The following ARHGAP15 variants were observed in gnomAD, a reference collection of about 807,000 sequenced individuals.
The protein encoded by ARHGAP15 is Rho GTPase activating protein 15.
Under a neutral mutation model 63.7 loss-of-function variants are expected in ARHGAP15, and 51 were observed. The observed-to-expected ratio is 0.80, with a 90% CI of 0.64 to 1.01. ARHGAP15 has a LOEUF of 1.01. Among genes scored for constraint, ARHGAP15 ranks in the 50% least tolerant of loss-of-function variants. The pLI is 0.00. For synonymous variants in ARHGAP15, 191 were observed against 193.8 expected (o/e 0.99, Z 0.12); for missense variants, 560 against 564.6 (o/e 0.99, Z 0.08).
At position 143,689,412 on chromosome 2, in the gene ARHGAP15, A is replaced by G. The variant is rs533527209; in HGVS notation, c.1139-14007A>G. 1.3e-3 allele frequency among the ~76,000 whole-genome samples: 204 copies of G among 152,230 alleles called. 1 individual carries two copies. The highest frequency in any genetic ancestry group is 2.5e-3 in the Non-Finnish European group (173 of 68,022). The stretch of plus-strand genomic sequence containing the variant: ...TTAATTGTCTAGCAGTTACTGTAAG[A>G]GTTCTAAGCTTTTTATGAGCATTGT... On this transcript the variant is annotated intron_variant, in intron 12 of 13. Coordinates refer to ENST00000295095, the MANE Select transcript of ARHGAP15 (RefSeq NM_018460.4).
At chr2:143,553,496 G>GT (rs2105079456) in intron 10 of ARHGAP15, among the ~76,000 whole-genome samples, 1 of 152,308 alleles carries the variant, frequency 6.6e-6, no homozygotes, top group African/African-American at 2.4e-5. Context: ...CCACAGAGCA[G>GT]TTTCTCTGCT....
chr2:143,304,061 C>T (rs916716467), intron 6 of ARHGAP15, among the ~76,000 whole-genome samples: 11 of 152,124 alleles, frequency 7.2e-5, no homozygotes, highest in African/African-American at 2.4e-4. Context: ...CCTCAAGGAT[C>T]TACAACTAGA....
intron 6 of ARHGAP15, among the ~76,000 whole-genome samples, chr2:143,383,735 T>A (rs1196418418): frequency 6.6e-6 from 1 of 152,194 alleles, no homozygotes; most frequent in Non-Finnish European, 1.5e-5. Context: ...CCTAAAGTAT[T>A]TTGTCTCCTA....
At chr2:143,453,170 G>A (rs182684258) in intron 8 of ARHGAP15, among the ~76,000 whole-genome samples, 67 of 151,994 alleles carry the variant, frequency 4.4e-4, no homozygotes, top group Non-Finnish European at 7.5e-4. Context: ...GCACTGAAAG[G>A]TTAATCAATT....
chr2:143,433,275 A>G (rs1689468101), intron 6 of ARHGAP15, among the ~76,000 whole-genome samples: 1 of 152,132 alleles, frequency 6.6e-6, no homozygotes, highest in African/African-American at 2.4e-5. Flanking sequence ...ATAGAGCAGA[A>G]CAAAGTCAAT....
chr2:143,393,966 C>T (rs1227015712), intron 6 of ARHGAP15, among the ~76,000 whole-genome samples: 1 of 152,096 alleles, frequency 6.6e-6, no homozygotes, highest in Non-Finnish European at 1.5e-5. Flanking sequence ...AGGATGGAAC[C>T]CCCAACAGGG....
At chr2:143,344,021 A>G (rs1685168024) in intron 6 of ARHGAP15, 1 of 152,122 alleles carries the variant, frequency 6.6e-6, no homozygotes, top group African/African-American at 2.4e-5. Context: ...AGCACTCCCC[A>G]CCACAGATAA....
At chr2:143,248,508 T>C (rs1694139939) in intron 5 of ARHGAP15, among the ~76,000 whole-genome samples, 1 of 152,222 alleles carries the variant, frequency 6.6e-6, no homozygotes, top group African/African-American at 2.4e-5. Context: ...GTGACACTGC[T>C]TGGATCTAAA....
intron 12 of ARHGAP15, among the ~76,000 whole-genome samples, chr2:143,701,183 A>C (rs563774618): frequency 6.6e-6 from 1 of 152,226 alleles, no homozygotes; most frequent in South Asian, 2.1e-4. Flanking sequence ...GACTGCCCCC[A>C]TCCCACTTTA....
intron 9 of ARHGAP15, among the ~76,000 whole-genome samples, chr2:143,494,878 A>G (rs938228001): frequency 6.6e-6 from 1 of 152,226 alleles, no homozygotes; most frequent in South Asian, 2.1e-4. Flanking sequence ...AACTGAATCA[A>G]TCTTACTGCT....
Position 143,169,845 on chromosome 2 carries a change from T to C in ARHGAP15, c.165+14190T>C, listed in dbSNP as rs1000662661. Among the ~76,000 whole-genome samples the C allele has an allele frequency of 2.6e-5, 4 of 151,922 alleles. 1 individual carries two copies. The highest frequency in any genetic ancestry group is 5.9e-5 in the Non-Finnish European group (4 of 67,940). On this transcript the variant is annotated intron_variant, in intron 2 of 13. Transcript: ENST00000295095. ...TGCTTTTGTTTGTTAGTTATGAGCA[T>C]GATACAGGTTCAATAATCTGACCAG...
chr2:143,130,586 A>G (rs987371160), intron 1 of ARHGAP15, among the ~76,000 whole-genome samples: 2 of 152,118 alleles, frequency 1.3e-5, no homozygotes, highest in Non-Finnish European at 2.9e-5. Context: ...ACACACATAA[A>G]TGTTTTTTGA....
intron 6 of ARHGAP15, among the ~76,000 whole-genome samples, chr2:143,397,343 TG>T (rs1395879566): frequency 6.8e-6 from 1 of 147,014 alleles, no homozygotes; most frequent in Non-Finnish European, 1.5e-5. Flanking sequence ...TGTGTGTGTG[TG>T]TGTATATATA....
intron 13 of ARHGAP15, among the ~76,000 whole-genome samples, chr2:143,748,056 A>G (rs957386422): frequency 2.6e-5 from 4 of 152,198 alleles, no homozygotes; most frequent in African/African-American, 9.6e-5. Flanking sequence ...TAGAATATAG[A>G]ACAAAAAGAT....
intron 6 of ARHGAP15, among the ~76,000 whole-genome samples, chr2:143,320,573 A>C (rs551713432): frequency 6.6e-6 from 1 of 152,258 alleles, no homozygotes; most frequent in South Asian, 2.1e-4. Context: ...GCGGGACGCT[A>C]CAATCTAACT....
At chr2:143,599,533 C>G (rs1697678523) in intron 11 of ARHGAP15, among the ~76,000 whole-genome samples, 1 of 151,948 alleles carries the variant, frequency 6.6e-6, no homozygotes, top group African/African-American at 2.4e-5. Context: ...CCCCTACCCC[C>G]GCCATCTACA....
intron 9 of ARHGAP15, among the ~76,000 whole-genome samples, chr2:143,516,385 C>T (rs556600413): frequency 6.6e-6 from 1 of 152,326 alleles, no homozygotes; most frequent in South Asian, 2.1e-4. Context: ...CTCTCCCACC[C>T]TCTGTTGTAC....
At chr2:143,540,315 G>T (rs984399006) in intron 10 of ARHGAP15, among the ~76,000 whole-genome samples, 1 of 152,166 alleles carries the variant, frequency 6.6e-6, no homozygotes, top group African/African-American at 2.4e-5. Context: ...ACTATGATGG[G>T]TCTTGACTCT....
intron 6 of ARHGAP15, among the ~76,000 whole-genome samples, chr2:143,419,283 A>AT (rs1688812435): frequency 6.6e-6 from 1 of 152,180 alleles, no homozygotes; most frequent in African/African-American, 2.4e-5. Context: ...TATGCTTTAA[A>AT]TTTTGGTGAG....
Sources: allele counts gnomAD v4.1 joint callset (sites outside exome capture counted in the v4.1 genomes callset), GRCh38; gene constraint gnomAD v4.1.1; transcripts MANE v1.5; gene names NCBI Gene and HGNC (gene_info 2026-07-23, HGNC 2026-07-21).